The following ELOVL5 variants were observed in gnomAD, a reference collection of about 807,000 sequenced individuals.
The protein encoded by ELOVL5 is ELOVL fatty acid elongase 5.
A neutral mutation model predicts 38.6 loss-of-function variants in ELOVL5; 8 were observed. The ratio of observed to expected loss-of-function variants is 0.21; its 90% CI spans 0.12 to 0.37. ELOVL5 has a LOEUF of 0.37. ELOVL5 is among the 10% of genes least tolerant of loss of function. ELOVL5 has a pLI of 1.00. For missense variants in ELOVL5, 280 were observed against 367.8 expected (o/e 0.76, Z 1.95); for synonymous variants, 127 against 133.7 (o/e 0.95, Z 0.34).
intron 1 of ELOVL5, among the ~76,000 whole-genome samples, chr6:53,323,860 C>CA: frequency 6.6e-6 from 1 of 152,106 alleles, no homozygotes; most frequent in East Asian, 1.9e-4. Context: ...GGGCATGGGC[C>CA]ACCGCACCCG....
chr6:53,318,946 C>T (rs1768163985), intron 1 of ELOVL5, among the ~76,000 whole-genome samples: 1 of 151,990 alleles, frequency 6.6e-6, no homozygotes, highest in Admixed American at 6.6e-5. Flanking sequence ...TAATATTTTA[C>T]ATTTATAGTC....
intron 1 of ELOVL5, among the ~76,000 whole-genome samples, chr6:53,323,176 A>G (rs1294427975): frequency 6.6e-6 from 1 of 152,200 alleles, no homozygotes; most frequent in African/African-American, 2.4e-5. Flanking sequence ...AAATAGAAAA[A>G]TGCATCAAAC....
chr6:53,314,663 T>C (rs1165453488), intron 1 of ELOVL5, among the ~76,000 whole-genome samples: 1 of 152,086 alleles, frequency 6.6e-6, no homozygotes, highest in Non-Finnish European at 1.5e-5. Context: ...TATTTTCAGT[T>C]CACTTCAAAA....
intron 2 of ELOVL5, among the ~76,000 whole-genome samples, chr6:53,295,135 G>T (rs570784753): frequency 2.0e-5 from 3 of 152,234 alleles, no homozygotes; most frequent in African/African-American, 7.2e-5. Flanking sequence ...TTATACAAAA[G>T]ACTTTAAAAG....
intron 1 of ELOVL5, among the ~76,000 whole-genome samples, chr6:53,346,390 T>C (rs1582009461): frequency 6.6e-6 from 1 of 152,188 alleles, no homozygotes; most frequent in East Asian, 1.9e-4. Context: ...TGTGTCTTCA[T>C]AGTGCTCCTC....
chr6:53,334,719 A>C (rs1051475802), intron 1 of ELOVL5, among the ~76,000 whole-genome samples: 1 of 152,072 alleles, frequency 6.6e-6, no homozygotes, highest in Non-Finnish European at 1.5e-5. Context: ...TGAATCTCCA[A>C]ATCAACAAAC....
chr6:53,346,440 G>A (rs776537694), intron 1 of ELOVL5, among the ~76,000 whole-genome samples: 1 of 152,116 alleles, frequency 6.6e-6, no homozygotes, highest in Non-Finnish European at 1.5e-5. Flanking sequence ...CCTCACAGAG[G>A]TGTTATAAGA....
intron 3 of ELOVL5, among the ~76,000 whole-genome samples, chr6:53,278,548 C>G: frequency 6.6e-6 from 1 of 152,144 alleles, no homozygotes; most frequent in East Asian, 1.9e-4. Context: ...ATAAATGGGG[C>G]AGGGGAATCC....
chr6:53,276,378 T>G lies in ELOVL5; in HGVS notation c.247-122A>C. 3 of 662,890 alleles carry G rather than the reference T, an allele frequency of 4.5e-6. No individual in the cohort carries two copies. The East Asian group carries it at 8.4e-5, about 19-fold the overall frequency. The allele number at this position is 662,890 out of a possible 1,614,324, so 41.1% of individuals were successfully genotyped here. A position where few individuals can be genotyped will look rare whatever the true frequency, so the allele number is the denominator to read the frequency against. On this transcript the variant is annotated intron_variant, in intron 3 of 7. Transcript: ENST00000304434. ...GGGCTGTGCTGAGCCAAGTTTGCTCTGAGAAAAAACAATTGTAGGCAAGTG... is the reference window on the plus strand; with the variant it reads ...GGGCTGTGCTGAGCCAAGTTTGCTCGGAGAAAAAACAATTGTAGGCAAGTG...
chr6:53,268,242 CT>C lies in ELOVL5; in HGVS notation c.*884del, dbSNP rs1765805557. On this transcript the variant is annotated 3_prime_UTR_variant, in exon 8 of 8. Transcript: ENST00000304434. ...TGTCAAACGGTAAATAGGCAATCAT[CT>C]CTCTTGAAAAGTATACATCCTCTCT... The C allele has an allele frequency of 6.6e-6, 1 of 152,270 alleles. No individual in the cohort carries two copies. Among genetic ancestry groups the C allele is most frequent in the South Asian group, 2.1e-4 (1 of 4,828 alleles). 9.4% of individuals were successfully genotyped at this position (152,270 alleles called of 1,614,324 possible). A position where few individuals can be genotyped will look rare whatever the true frequency, so the allele number is the denominator to read the frequency against.
intron 1 of ELOVL5, among the ~76,000 whole-genome samples, chr6:53,307,698 A>T (rs993307213): frequency 6.6e-6 from 1 of 152,248 alleles, no homozygotes; most frequent in African/African-American, 2.4e-5. Flanking sequence ...AAGACTCTAG[A>T]TAAATTCCTC....
chr6:53,328,013 C>G (rs1230187595), intron 1 of ELOVL5, among the ~76,000 whole-genome samples: 3 of 152,082 alleles, frequency 2.0e-5, no homozygotes, highest in Non-Finnish European at 2.9e-5. Context: ...TCCTGTATCC[C>G]TCTAGTTCCG....
At chr6:53,329,787 G>A (rs769737070) in intron 1 of ELOVL5, among the ~76,000 whole-genome samples, 5 of 152,104 alleles carry the variant, frequency 3.3e-5, no homozygotes, top group East Asian at 1.9e-4. Flanking sequence ...TCATGCCATC[G>A]CACTCAGCCT....
At chr6:53,338,380 C>T (rs1410103467) in intron 1 of ELOVL5, among the ~76,000 whole-genome samples, 3 of 152,198 alleles carry the variant, frequency 2.0e-5, no homozygotes, top group East Asian at 1.9e-4. Flanking sequence ...TTTGTTCCTA[C>T]TCCTTGCAAA....
intron 3 of ELOVL5, among the ~76,000 whole-genome samples, chr6:53,291,443 G>A (rs968596373): frequency 6.6e-6 from 1 of 152,178 alleles, no homozygotes; most frequent in Non-Finnish European, 1.5e-5. Flanking sequence ...GCTTTCACAT[G>A]TGTTTTTCAC....
intron 3 of ELOVL5, chr6:53,287,800 G>T: frequency 7.0e-7 from 1 of 1,419,496 alleles, no homozygotes; most frequent in Non-Finnish European, 9.6e-7. Context: ...AAAGGAGCCA[G>T]CCATCCTTTC....
At chr6:53,310,192 G>C (rs1244902554) in intron 1 of ELOVL5, among the ~76,000 whole-genome samples, 2 of 152,210 alleles carry the variant, frequency 1.3e-5, no homozygotes, top group Non-Finnish European at 2.9e-5. Flanking sequence ...GGGAAGAGAA[G>C]TGAAAAGGCT....
intron 1 of ELOVL5, among the ~76,000 whole-genome samples, chr6:53,318,293 C>A (rs1289367638): frequency 6.6e-6 from 1 of 152,158 alleles, no homozygotes; most frequent in Admixed American, 6.5e-5. Flanking sequence ...AACCCTTCTA[C>A]CATCTATGAT....
At chr6:53,278,926 C>T (rs544780517) in intron 3 of ELOVL5, among the ~76,000 whole-genome samples, 80 of 152,348 alleles carry the variant, frequency 5.3e-4, no homozygotes, top group African/African-American at 1.9e-3. Flanking sequence ...GGTATTTAGT[C>T]TTCCACAACG....
Sources: allele counts gnomAD v4.1 joint callset (sites outside exome capture counted in the v4.1 genomes callset), GRCh38; gene constraint gnomAD v4.1.1; transcripts MANE v1.5; gene names NCBI Gene and HGNC (gene_info 2026-07-23, HGNC 2026-07-21).